TMC1: variants seen among roughly 807,000 people sequenced by gnomAD.
TMC1 encodes the protein transmembrane channel-like protein 1.
TMC1 carries 84 observed loss-of-function variants against 105.8 expected under a neutral mutation model. The observed-to-expected ratio is 0.79, with a 90% CI of 0.67 to 0.95. The LOEUF is 0.95. Ranked by LOEUF, TMC1 falls within the 40% of genes least tolerant of loss-of-function variation. TMC1 has a pLI of 0.00. For synonymous variants in TMC1, 315 were observed against 311.5 expected, an observed-to-expected ratio of 1.01 and a Z score of -0.12; for missense variants, 817 against 914.1, an observed-to-expected ratio of 0.89 and a Z score of 1.37.
chr9:72,784,304 G>A (rs1364882237), intron 13 of TMC1, among the ~76,000 whole-genome samples: 2 of 152,136 alleles, frequency 1.3e-5, no homozygotes, highest in East Asian at 3.9e-4. Context: ...GGCACACACG[G>A]CCATTAAGCA....
intron 1 of TMC1, among the ~76,000 whole-genome samples, chr9:72,573,892 G>C (rs540589077): frequency 6.6e-6 from 1 of 152,202 alleles, no homozygotes; most frequent in South Asian, 2.1e-4. Context: ...ATCACCCAGG[G>C]ATTAAGCTCA....
chr9:72,558,304 G>A (rs148086292), intron 1 of TMC1, among the ~76,000 whole-genome samples: 46 of 152,252 alleles, frequency 3.0e-4, no homozygotes, highest in East Asian at 2.9e-3. Flanking sequence ...CCAACCAAAT[G>A]TGAGTTAAAT....
chr9:72,688,814 G>T, intron 6 of TMC1, 58 bp downstream of exon 6: 3 of 1,423,190 alleles, frequency 2.1e-6, no homozygotes, highest in East Asian at 4.7e-5. Flanking sequence ...TAAACTCAAA[G>T]AATTTATCCT....
At chr9:72,528,421 G>A (rs1056258276) in intron 1 of TMC1, among the ~76,000 whole-genome samples, 1 of 146,902 alleles carries the variant, frequency 6.8e-6, no homozygotes, top group Non-Finnish European at 1.5e-5. Context: ...AACAAACTCC[G>A]CCTCCCGGGT....
chr9:72,629,387 T>G (rs935436368), intron 4 of TMC1, among the ~76,000 whole-genome samples: 2 of 152,192 alleles, frequency 1.3e-5, no homozygotes, highest in African/African-American at 4.8e-5. Context: ...TTCATTGAGC[T>G]TCTATTTTAC....
chr9:72,670,061 C>G (rs950346074), intron 5 of TMC1, among the ~76,000 whole-genome samples: 8 of 152,090 alleles, frequency 5.3e-5, no homozygotes, highest in African/African-American at 1.9e-4. Context: ...AAGATAGCTG[C>G]AATTCATGAG....
chr9:72,521,797 G>A lies in TMC1; in HGVS notation c.-544G>A, dbSNP rs1021661494. On this transcript the variant is annotated 5_prime_UTR_variant, in exon 1 of 24. Coordinates refer to ENST00000297784, the MANE Select transcript of TMC1 (RefSeq NM_138691.3). ...TTTCTGATTTCACCGAAGACCTACT[G>A]CCTCAGAAACTATGAGGGCAGAACC... The A allele has an allele frequency of 6.6e-6, 1 of 151,552 alleles. No homozygotes were observed. Among genetic ancestry groups the A allele is most frequent in the Non-Finnish European group, 1.5e-5 (1 of 67,980 alleles). 9.4% of individuals were successfully genotyped at this position (151,552 alleles called of 1,614,324 possible).
chr9:72,792,393 A>G (rs746416999), intron 17 of TMC1, 41 bp downstream of exon 17: 39 of 1,611,796 alleles, frequency 2.4e-5, no homozygotes, highest in Non-Finnish European at 3.1e-5. Context: ...TAGTAGATTA[A>G]AAAAAGAGAG....
At chr9:72,827,106 A>G in intron 21 of TMC1, 112 bp downstream of exon 21, 1 of 1,406,214 alleles carries the variant, frequency 7.1e-7, no homozygotes, top group Non-Finnish European at 1.0e-6. Flanking sequence ...GCTGTAACCT[A>G]TCCAAATTCA....
At chr9:72,794,225 GCCATAACCATGCC>G (rs1564559323) in intron 17 of TMC1, among the ~76,000 whole-genome samples, 1 of 152,104 alleles carries the variant, frequency 6.6e-6, no homozygotes, top group Non-Finnish European at 1.5e-5. Flanking sequence ...AAGACCCTTG[GCCATAACCATGCC>G]AAGGTATCTT....
Position 72,827,325 on chromosome 9 carries a change from C to A in TMC1, c.2129+331C>A, listed in dbSNP as rs766350342. On this transcript the variant is annotated intron_variant, in intron 21 of 23. Transcript: ENST00000297784. ...TCTAATCAGTACATTGAGCTTCCCC[C>A]CAACAACCCGGCCTCCACCTCTCGT... Among the ~76,000 whole-genome samples, 36 of 152,312 alleles carry A rather than the reference C, an allele frequency of 2.4e-4. No individual in the cohort carries two copies. In the Middle Eastern group the frequency reaches 0.01, roughly 43 times the overall value.
At chr9:72,835,683 T>C (rs1829110827) in intron 23 of TMC1, among the ~76,000 whole-genome samples, 1 of 143,412 alleles carries the variant, frequency 7.0e-6, no homozygotes, top group African/African-American at 2.5e-5. Context: ...TAAGCAATAA[T>C]GTATAAATGT....
At chr9:72,828,119 C>T (rs1015507015) in intron 21 of TMC1, among the ~76,000 whole-genome samples, 4 of 152,106 alleles carry the variant, frequency 2.6e-5, no homozygotes, top group African/African-American at 7.2e-5. Flanking sequence ...CTTTATACTG[C>T]GAGGCTTTCT....
intron 11 of TMC1, among the ~76,000 whole-genome samples, chr9:72,753,286 CTTTTT>C (rs5898269): frequency 1.0e-3 from 84 of 81,830 alleles, no homozygotes; most frequent in African/African-American, 4.3e-3. Flanking sequence ...TTAACCCCAG[CTTTTT>C]TTTTTTTTTT....
chr9:72,598,061 A>G lies in TMC1; in HGVS notation c.-305-18307A>G, dbSNP rs551553397. Among the ~76,000 whole-genome samples, 249 of 152,372 alleles carry G rather than the reference A, an allele frequency of 1.6e-3. 1 individual carries two copies. Among genetic ancestry groups the G allele is most frequent in the African/African-American group, 5.6e-3 (231 of 41,592 alleles). ...CACAGATGGGGGTTTATATCCTAGC[A>G]GAGCAGATATTGTCAATGGAAAATG... On this transcript the variant is annotated intron_variant, in intron 2 of 23. Transcript: ENST00000297784.
chr9:72,775,159 G>C (rs541082408), intron 13 of TMC1, among the ~76,000 whole-genome samples: 1 of 152,200 alleles, frequency 6.6e-6, no homozygotes, highest in Admixed American at 6.5e-5. Flanking sequence ...TCTTGCATTT[G>C]AGAACCTTTC....
chr9:72,817,884 T>C (rs1010274494), intron 19 of TMC1, among the ~76,000 whole-genome samples: 4 of 152,208 alleles, frequency 2.6e-5, no homozygotes, highest in African/African-American at 9.7e-5. Flanking sequence ...TCAAGCTTGC[T>C]TCTGGCTAAT....
chr9:72,586,840 A>T (rs7029958), intron 2 of TMC1, among the ~76,000 whole-genome samples: 1 of 152,176 alleles, frequency 6.6e-6, no homozygotes, highest in Non-Finnish European at 1.5e-5. Flanking sequence ...GTGTAATTCA[A>T]TGTGGTGAAT....
chr9:72,806,136 C>A (rs1456640142), intron 18 of TMC1, among the ~76,000 whole-genome samples: 1 of 151,018 alleles, frequency 6.6e-6, no homozygotes, highest in African/African-American at 2.4e-5. Flanking sequence ...CAGAGGCGCC[C>A]CTCACCTCCC....
Sources: allele counts gnomAD v4.1 joint callset (sites outside exome capture counted in the v4.1 genomes callset), GRCh38; gene constraint gnomAD v4.1.1; transcripts MANE v1.5; gene names NCBI Gene and HGNC (gene_info 2026-07-23, HGNC 2026-07-21).